Variants in STXBP5 observed in about 807,000 individuals in gnomAD.
STXBP5 encodes the protein syntaxin-binding protein 5.
In STXBP5, 50 loss-of-function variants were observed where a neutral mutation model predicts 152.4. That is an observed-to-expected ratio of 0.33 (90% CI 0.26 to 0.42). STXBP5 has a LOEUF of 0.42. Among genes scored for constraint, STXBP5 ranks in the 10% least tolerant of loss-of-function variants. The probability of loss-of-function intolerance (pLI) is 1.00; values close to 1 mark genes in which losing one functional copy is unlikely to be tolerated. For synonymous variants in STXBP5, 492 were observed against 494.7 expected (o/e 0.99, Z 0.07); for missense variants, 1,167 against 1,388.6 (o/e 0.84, Z 2.54).
intron 6 of STXBP5, among the ~76,000 whole-genome samples, chr6:147,264,241 C>T (rs78019592): frequency 0.043 from 6,462 of 151,950 alleles, 349 homozygotes; most frequent in East Asian, 0.15. Flanking sequence ...CTAACCTTAC[C>T]GGTGGATACT....
intron 26 of STXBP5, among the ~76,000 whole-genome samples, chr6:147,376,074 A>C (rs1785796394): frequency 6.6e-6 from 1 of 152,216 alleles, no homozygotes. Flanking sequence ...TTTGGAACGA[A>C]ACTGATGTGC....
Position 147,384,845 on chromosome 6 carries a change from A to C in STXBP5, c.*90A>C. 1 of 1,303,966 alleles carries C rather than the reference A, an allele frequency of 7.7e-7. No individual in the cohort carries two copies. 80.8% of individuals were successfully genotyped at this position (1,303,966 alleles called of 1,614,324 possible). ...CTTTAGGAAAGTTAACGTTAAAGGGATGTTCGTCACTGAATACTGTTCTTT... is the reference window on the plus strand; with the variant it reads ...CTTTAGGAAAGTTAACGTTAAAGGGCTGTTCGTCACTGAATACTGTTCTTT... On this transcript the variant is annotated 3_prime_UTR_variant, in exon 28 of 28. Transcript: ENST00000321680.
chr6:147,233,857 AT>A (rs1454618547), intron 2 of STXBP5, among the ~76,000 whole-genome samples: 4 of 150,196 alleles, frequency 2.7e-5, no homozygotes, highest in African/African-American at 9.7e-5. Flanking sequence ...TATTACTATT[AT>A]GACTACTACT....
At chr6:147,348,777 C>A (rs1784453226) in intron 21 of STXBP5, among the ~76,000 whole-genome samples, 1 of 152,006 alleles carries the variant, frequency 6.6e-6, no homozygotes. Context: ...TTGGAAAATG[C>A]CTAACTGATT....
At chr6:147,359,921 A>G (rs1242668975) in intron 23 of STXBP5, among the ~76,000 whole-genome samples, 2 of 152,086 alleles carry the variant, frequency 1.3e-5, no homozygotes, top group Non-Finnish European at 2.9e-5. Flanking sequence ...AATACCCAGA[A>G]TCTACAATGA....
rs1582777050 is a variant in STXBP5 at position 147,204,645 on chromosome 6, A to G, written c.113A>G (p.Gln38Arg). ...CCTGGGAACCGGGAGCCGGAGATCCAGGAAACGCTCCAGTCCGAGCACTTT... is the reference window on the plus strand; with the variant it reads ...CCTGGGAACCGGGAGCCGGAGATCCGGGAAACGCTCCAGTCCGAGCACTTT... ...HPPGNREPEIQETLQSEHFQL... is the reference protein window; with the variant it reads ...HPPGNREPEIRETLQSEHFQL... The change falls in exon 1 of 28, where the codon CAG becomes CGG. Residue 38 changes from glutamine to arginine, a missense_variant. By Grantham distance (43) the Gln-to-Arg change is conservative (BLOSUM62 1). Transcript: ENST00000321680. This position sits in a 1 kb window ranked among gnomAD's most constrained non-coding sequence, Gnocchi z 4.3. The G allele has an allele frequency of 6.8e-6, 11 of 1,610,450 alleles. No homozygotes were observed. In the South Asian group the frequency reaches 1.1e-4, roughly 16 times the overall value.
chr6:147,245,096 G>A (rs1240008183), intron 4 of STXBP5, among the ~76,000 whole-genome samples: 4 of 149,090 alleles, frequency 2.7e-5, no homozygotes, highest in Non-Finnish European at 4.4e-5. Context: ...GGGTTCAAGC[G>A]ATTCTTCTGA....
intron 6 of STXBP5, among the ~76,000 whole-genome samples, chr6:147,265,553 G>C (rs1335144264): frequency 6.6e-6 from 1 of 152,032 alleles, no homozygotes; most frequent in South Asian, 2.1e-4. Flanking sequence ...AAGCAACACT[G>C]AATTTAGACT....
chr6:147,228,145 T>TTG (rs138192793), intron 2 of STXBP5, among the ~76,000 whole-genome samples: 14 of 151,530 alleles, frequency 9.2e-5, no homozygotes, highest in Non-Finnish European at 1.3e-4. Flanking sequence ...TTGCCTTGTT[T>TTG]TGTGTGTGTG....
At chr6:147,254,079 C>G (rs1026733624) in intron 4 of STXBP5, among the ~76,000 whole-genome samples, 11 of 152,148 alleles carry the variant, frequency 7.2e-5, no homozygotes, top group Non-Finnish European at 2.9e-5. Flanking sequence ...TAGCATGGTA[C>G]TGGTACCAAA....
chr6:147,279,158 G>T (rs1030039077), intron 8 of STXBP5, among the ~76,000 whole-genome samples: 1 of 152,198 alleles, frequency 6.6e-6, no homozygotes, highest in African/African-American at 2.4e-5. Context: ...CAGACCTGCT[G>T]TGTTAACTAT....
Position 147,204,564 on chromosome 6 carries a change from A to G in STXBP5, c.32A>G (p.Asp11Gly). 1 of 1,610,792 alleles carries G rather than the reference A, an allele frequency of 6.2e-7. No homozygotes were observed. The highest frequency in any genetic ancestry group is 8.5e-7 in the Non-Finnish European group (1 of 1,178,638). ...AAATTCAACATCAGGAAGGTGCTGG[A>G]CGGCCTGACCGCCGGCTCGTCCTCG... MRKFNIRKVL[D>G]GLTAGSSSAS... is the part of the protein sequence containing the mutation. The change falls in exon 1 of 28, where the codon GAC becomes GGC. Residue 11 changes from aspartate (D) to glycine (G), a missense_variant. Asp to Gly is a moderately conservative substitution (Grantham distance 94). Transcript: ENST00000321680. The surrounding 1 kb of genome is among the most constrained non-coding windows in gnomAD (Gnocchi z 4.3).
chr6:147,291,296 C>T, intron 9 of STXBP5, 124 bp downstream of exon 9: 1 of 615,908 alleles, frequency 1.6e-6, no homozygotes. Flanking sequence ...AAATTTTATG[C>T]TTTTTTTATT....
At chr6:147,212,157 A>T (rs1215168837) in intron 2 of STXBP5, among the ~76,000 whole-genome samples, 1 of 152,232 alleles carries the variant, frequency 6.6e-6, no homozygotes, top group African/African-American at 2.4e-5. Context: ...CAGAAATGGA[A>T]TCTGCTTGGA....
At chr6:147,383,089 C>T in intron 27 of STXBP5, 91 bp downstream of exon 27, 3 of 1,419,514 alleles carry the variant, frequency 2.1e-6, no homozygotes, top group South Asian at 1.3e-5. Flanking sequence ...TATTTCTACA[C>T]CCATGAATTT....
In STXBP5 at chr6:147,213,477, T is replaced by TGCGC. The variant is rs1554282764; in HGVS notation, c.248+7414_248+7417dup. 7.5e-3 allele frequency among the ~76,000 whole-genome samples: 981 copies of TGCGC among 131,228 alleles called. 20 individuals are homozygous for TGCGC. Among genetic ancestry groups the TGCGC allele is most frequent in the African/African-American group, 0.029 (919 of 31,282 alleles). 86.1% of individuals were successfully genotyped at this position (131,228 alleles called of 152,430 possible). ...GTGTGTGTGTGTGTGTGTGTGTGTGTGCGCGCGCATATATATATTTTTTCT... is the reference window on the plus strand; with the variant it reads ...GTGTGTGTGTGTGTGTGTGTGTGTGTGCGCGCGCGCGCATATATATATTTTTTCT... On this transcript the variant is annotated intron_variant, in intron 2 of 27. Coordinates refer to ENST00000321680, the MANE Select transcript of STXBP5 (RefSeq NM_001127715.4).
intron 15 of STXBP5, 80 bp from the exon 16 acceptor site, chr6:147,316,149 G>T (rs1782632900): frequency 2.3e-6 from 3 of 1,295,558 alleles, no homozygotes; most frequent in Non-Finnish European, 2.2e-6. Context: ...TATGTAAAGT[G>T]TGTGTGTATG....
chr6:147,253,527 C>G (rs1166094893), intron 4 of STXBP5, among the ~76,000 whole-genome samples: 2 of 152,014 alleles, frequency 1.3e-5, no homozygotes. Context: ...TCTCTGTAGA[C>G]GACATGATTC....
At chr6:147,259,617 A>G (rs1026514650) in intron 4 of STXBP5, among the ~76,000 whole-genome samples, 4 of 152,178 alleles carry the variant, frequency 2.6e-5, no homozygotes, top group Non-Finnish European at 5.9e-5. Context: ...AATATTCTGT[A>G]TGCTTTGCCG....
Sources: gnomAD v4.1 joint callset for allele counts (sites outside exome capture counted in the v4.1 genomes callset) on GRCh38, gnomAD v4.1.1 for gene constraint, Gnocchi (gnomAD v3.1) non-coding constraint, MANE v1.5 for transcripts, NCBI Gene and HGNC (gene_info 2026-07-23, HGNC 2026-07-21) for gene names.